Variants in DPP6 observed in about 807,000 individuals in gnomAD.
DPP6 encodes the protein A-type potassium channel modulatory protein DPP6.
Under a neutral mutation model 122.6 loss-of-function variants are expected in DPP6, and 69 were observed. The ratio of observed to expected loss-of-function variants is 0.56; its 90% CI spans 0.46 to 0.69. The LOEUF (loss-of-function observed/expected upper bound fraction) is 0.69. Among genes scored for constraint, DPP6 ranks in the 30% least tolerant of loss-of-function variants. DPP6 has a pLI of 0.00. For missense variants in DPP6, 928 were observed against 1,116.9 expected (o/e 0.83, Z 2.41); for synonymous variants, 418 against 433.1 (o/e 0.97, Z 0.43).
At chr7:153,821,047 T>C in the DPP6 span, among the ~76,000 whole-genome samples, 1 of 152,002 alleles carries the variant, frequency 6.6e-6, no homozygotes, top group Non-Finnish European at 1.5e-5. Flanking sequence ...ATGATAGTGA[T>C]GGTGGTGATG....
At chr7:154,334,028 T>C (rs1809178102) in intron 1 of DPP6, among the ~76,000 whole-genome samples, 1 of 152,220 alleles carries the variant, frequency 6.6e-6, no homozygotes, top group Non-Finnish European at 1.5e-5. Flanking sequence ...TACAAAATAA[T>C]TTCAGCTTTG....
At position 154,035,242 on chromosome 7, in the gene DPP6, A is replaced by G. The variant is rs1585208823; in HGVS notation, c.51+147508A>G. ...ATGCCATCTCTTCATGAGGGCGTGAAGGCTCCGTTCGTAAAGAACTATGAT... is the reference window on the plus strand; with the variant it reads ...ATGCCATCTCTTCATGAGGGCGTGAGGGCTCCGTTCGTAAAGAACTATGAT... On this transcript the variant is annotated intron_variant, in intron 1 of 25. Transcript: ENST00000404039. 1.3e-5 allele frequency among the ~76,000 whole-genome samples: 2 copies of G among 152,358 alleles called. 1 individual carries two copies.
chr7:154,670,558 T>C (rs1355082881), intron 7 of DPP6, among the ~76,000 whole-genome samples: 2 of 152,226 alleles, frequency 1.3e-5, no homozygotes, highest in Admixed American at 6.5e-5. Flanking sequence ...GTAACATTTT[T>C]TTAAGACATT....
the DPP6 span, among the ~76,000 whole-genome samples, chr7:153,878,307 C>T: frequency 1.3e-5 from 2 of 151,842 alleles, no homozygotes; most frequent in African/African-American, 4.8e-5. Flanking sequence ...TTCAGAAATT[C>T]TTACATGTGT....
intron 25 of DPP6, chr7:154,890,669 G>A (rs900045957): frequency 6.6e-6 from 1 of 152,226 alleles, no homozygotes; most frequent in Non-Finnish European, 1.5e-5. Context: ...GACCCACCCA[G>A]GGACACACAT....
chr7:153,949,954 C>G (rs1802130198), intron 1 of DPP6, among the ~76,000 whole-genome samples: 2 of 152,228 alleles, frequency 1.3e-5, no homozygotes, highest in African/African-American at 4.8e-5. Context: ...AGAGGCCAAG[C>G]TGGATTAATC....
chr7:154,861,131 G>C (rs1172482590), intron 17 of DPP6, among the ~76,000 whole-genome samples: 1 of 152,202 alleles, frequency 6.6e-6, no homozygotes, highest in African/African-American at 2.4e-5. Context: ...GGTGGCCAAA[G>C]AGAGAAAGTC....
chr7:154,266,655 A>G (rs1803440103), intron 1 of DPP6, among the ~76,000 whole-genome samples: 1 of 152,180 alleles, frequency 6.6e-6, no homozygotes, highest in African/African-American at 2.4e-5. Context: ...TTCATTGGTT[A>G]ACTAACAGTG....
intron 1 of DPP6, among the ~76,000 whole-genome samples, chr7:154,284,544 T>G (rs1804726981): frequency 6.6e-6 from 1 of 152,182 alleles, no homozygotes; most frequent in Admixed American, 6.5e-5. Context: ...TGTTACAACA[T>G]GGATCAATCT....
In DPP6 at chr7:153,979,901, G is replaced by T. The variant is rs185003891; in HGVS notation, c.51+92167G>T. On this transcript the variant is annotated intron_variant, in intron 1 of 25. Transcript: ENST00000404039. ...TACATCCCAGAGTTGAAGCCGAGTT[G>T]ATCATGGTGGATAAGCTTTTTGATC... Among the ~76,000 whole-genome samples the T allele has an allele frequency of 1.3e-3, 203 of 152,270 alleles. 1 individual carries two copies. The highest frequency in any genetic ancestry group is 5.1e-4 in the Non-Finnish European group (35 of 68,024).
chr7:154,708,190 G>T (rs1349367249), intron 7 of DPP6, among the ~76,000 whole-genome samples: 2 of 152,300 alleles, frequency 1.3e-5, no homozygotes, highest in East Asian at 1.9e-4. Context: ...ACATAACCAC[G>T]TGTATACATA....
At chr7:154,150,423 G>A (rs1301212327) in intron 1 of DPP6, among the ~76,000 whole-genome samples, 1 of 152,164 alleles carries the variant, frequency 6.6e-6, no homozygotes, top group Admixed American at 6.5e-5. Context: ...GGGCTCCGTG[G>A]AGACATGGCT....
intron 3 of DPP6, among the ~76,000 whole-genome samples, chr7:154,533,664 A>G (rs373699196): frequency 9.2e-5 from 14 of 152,180 alleles, no homozygotes; most frequent in African/African-American, 3.4e-4. Flanking sequence ...ATCCTTCATG[A>G]TCATGAGGCA....
intron 1 of DPP6, among the ~76,000 whole-genome samples, chr7:154,002,823 G>A (rs887994891): frequency 6.6e-6 from 1 of 152,188 alleles, no homozygotes; most frequent in Non-Finnish European, 1.5e-5. Context: ...CAGAGCATAT[G>A]AGGGTGGATT....
intron 1 of DPP6, among the ~76,000 whole-genome samples, chr7:154,321,160 C>T (rs553936699): frequency 6.6e-6 from 1 of 152,012 alleles, no homozygotes; most frequent in South Asian, 2.1e-4. Flanking sequence ...GCCTGTAGTC[C>T]CAGCTACTCA....
chr7:153,848,492 C>A, the DPP6 span, among the ~76,000 whole-genome samples: 4 of 152,110 alleles, frequency 2.6e-5, no homozygotes, highest in Non-Finnish European at 5.9e-5. Context: ...ATAATTTTTC[C>A]CACCACCCTG....
chr7:154,326,698 G>T (rs1405991767), intron 1 of DPP6, among the ~76,000 whole-genome samples: 2 of 152,204 alleles, frequency 1.3e-5, no homozygotes, highest in East Asian at 3.8e-4. Context: ...AATCTGTATA[G>T]TTGTTACATA....
intron 16 of DPP6, among the ~76,000 whole-genome samples, chr7:154,820,708 A>G (rs1799705171): frequency 6.6e-6 from 1 of 152,196 alleles, no homozygotes; most frequent in Non-Finnish European, 1.5e-5. Flanking sequence ...GATCCAACGA[A>G]TGTAATCTCT....
chr7:153,785,287 T>G, the DPP6 span, among the ~76,000 whole-genome samples: 2 of 152,174 alleles, frequency 1.3e-5, no homozygotes, highest in African/African-American at 4.8e-5. Context: ...AACCAGCATG[T>G]TATTTTGTCT....
Sources: gnomAD v4.1 joint callset for allele counts (sites outside exome capture counted in the v4.1 genomes callset) on GRCh38, gnomAD v4.1.1 for gene constraint, MANE v1.5 for transcripts, NCBI Gene and HGNC (gene_info 2026-07-23, HGNC 2026-07-21) for gene names.